The following ADD1 variants were observed in gnomAD, a reference collection of about 807,000 sequenced individuals.
The protein encoded by ADD1 is adducin 1.
ADD1 carries 24 observed loss-of-function variants against 80.5 expected under a neutral mutation model. That is an observed-to-expected ratio of 0.30 (90% CI 0.22 to 0.42). The LOEUF is 0.42. Among genes scored for constraint, ADD1 ranks in the 10% least tolerant of loss-of-function variants. The pLI is 1.00. For missense variants in ADD1, 948 were observed against 1,019.0 expected, an observed-to-expected ratio of 0.93 and a Z score of 0.95; for synonymous variants, 373 against 393.8, an observed-to-expected ratio of 0.95 and a Z score of 0.63.
intron 14 of ADD1, among the ~76,000 whole-genome samples, chr4:2,919,819 C>G (rs1408758974): frequency 1.3e-5 from 2 of 151,056 alleles, no homozygotes; most frequent in African/African-American, 4.9e-5. Context: ...TTTTTGAAGG[C>G]TTTTTTGTGT....
intron 14 of ADD1, among the ~76,000 whole-genome samples, chr4:2,922,487 C>T (rs1043030681): frequency 6.6e-6 from 1 of 152,210 alleles, no homozygotes; most frequent in African/African-American, 2.4e-5. Flanking sequence ...CAGCAAAGAT[C>T]GCTGCCTGTT....
chr4:2,882,906 G>C (rs925889783), intron 3 of ADD1, among the ~76,000 whole-genome samples: 5 of 152,108 alleles, frequency 3.3e-5, no homozygotes, highest in African/African-American at 1.2e-4. Context: ...TGTCTCCCAG[G>C]CTGGAGTGCA....
At chr4:2,875,547 G>C (rs1731142257) in intron 1 of ADD1, among the ~76,000 whole-genome samples, 1 of 152,222 alleles carries the variant, frequency 6.6e-6, no homozygotes, top group African/African-American at 2.4e-5. Flanking sequence ...GATCTTGTCT[G>C]TGTGGAACAA....
At chr4:2,860,779 C>A (rs1303529489) in intron 1 of ADD1, among the ~76,000 whole-genome samples, 1 of 152,168 alleles carries the variant, frequency 6.6e-6, no homozygotes, top group African/African-American at 2.4e-5. Context: ...ATGCATTAAC[C>A]TGTTGTTAAA....
Position 2,928,545 on chromosome 4 carries a change from C to T in ADD1, c.*22C>T. 1.3e-6 allele frequency: 2 copies of T among 1,595,910 alleles called. No homozygotes were observed. Among genetic ancestry groups the T allele is most frequent in the Non-Finnish European group, 1.7e-6 (2 of 1,173,788 alleles). ...CTGAAAGCCCTGCGCTAACACTGTCCTGTCCGGAGCGACCCTGGCTCTGCC... is the reference window on the plus strand; with the variant it reads ...CTGAAAGCCCTGCGCTAACACTGTCTTGTCCGGAGCGACCCTGGCTCTGCC... On this transcript the variant is annotated 3_prime_UTR_variant, in exon 16 of 16. Transcript: ENST00000683351.
At chr4:2,852,795 G>T (rs1560140302) in intron 1 of ADD1, among the ~76,000 whole-genome samples, 1 of 150,824 alleles carries the variant, frequency 6.6e-6, no homozygotes, top group Non-Finnish European at 1.5e-5. Context: ...TGACCTCGTG[G>T]GCCCGAGCAG....
intron 1 of ADD1, among the ~76,000 whole-genome samples, chr4:2,864,651 T>A (rs1729278830): frequency 1.3e-5 from 2 of 152,152 alleles, no homozygotes; most frequent in Non-Finnish European, 2.9e-5. Flanking sequence ...GGCCCTATGC[T>A]TATAATCACT....
intron 2 of ADD1, among the ~76,000 whole-genome samples, chr4:2,880,484 T>C (rs1732100182): frequency 7.6e-6 from 1 of 131,584 alleles, no homozygotes; most frequent in African/African-American, 3.0e-5. Flanking sequence ...TTTTTTTTTT[T>C]TTTTTTTTTG....
intron 13 of ADD1, 30 bp downstream of exon 13, chr4:2,909,461 C>G (rs2109088776): frequency 6.6e-7 from 1 of 1,513,816 alleles, no homozygotes; most frequent in Non-Finnish European, 9.0e-7. Context: ...CACTACCTGT[C>G]TATGCGCCTT....
chr4:2,895,459 G>A (rs757242653), intron 6 of ADD1, among the ~76,000 whole-genome samples: 27 of 152,196 alleles, frequency 1.8e-4, no homozygotes, highest in South Asian at 6.2e-4. Flanking sequence ...TGTTTGGGGT[G>A]TGGGAGACTT....
chr4:2,894,833 T>C, intron 6 of ADD1, 102 bp downstream of exon 6: 6 of 1,278,418 alleles, frequency 4.7e-6, no homozygotes, highest in Non-Finnish European at 6.3e-6. Context: ...TCAGTAAAAC[T>C]AATTTTGTTG....
At chr4:2,907,868 C>A in intron 11 of ADD1, 24 bp downstream of exon 11, 1 of 1,594,552 alleles carries the variant, frequency 6.3e-7, no homozygotes, top group Non-Finnish European at 8.6e-7. Flanking sequence ...CGGCACTCAG[C>A]GGGGGCTTGG....
Position 2,852,294 on chromosome 4 carries a change from TTC to T in ADD1, c.-21+8272_-21+8273del, listed in dbSNP as rs765977681. Among the ~76,000 whole-genome samples, 580 of 145,994 alleles carry T rather than the reference TTC, an allele frequency of 4.0e-3. 8 individuals are homozygous for T. The highest frequency in any genetic ancestry group is 7.3e-3 in the Non-Finnish European group (482 of 66,200). On this transcript the variant is annotated intron_variant, in intron 1 of 15. Transcript: ENST00000683351. Reference sequence around the variant, plus strand: ...CCTTCCTTCCTTCTTTTCTTTTCTTTTCTTTTCTTTTCTTTTTTTTCTTTTCT... The same window carrying T: ...CCTTCCTTCCTTCTTTTCTTTTCTTTTTTTCTTTTCTTTTTTTTCTTTTCT...
At chr4:2,864,548 A>G (rs539999722) in intron 1 of ADD1, among the ~76,000 whole-genome samples, 64 of 152,348 alleles carry the variant, frequency 4.2e-4, no homozygotes, top group Non-Finnish European at 7.4e-4. Flanking sequence ...TTATACTCAC[A>G]GTGATGCTTA....
At chr4:2,905,637 C>T (rs1321717056) in intron 10 of ADD1, 3 of 160,130 alleles carry the variant, frequency 1.9e-5, no homozygotes, top group South Asian at 1.7e-4. Context: ...CCAAAGCCTC[C>T]GAATGCACAC....
chr4:2,917,360 C>T (rs766888058), intron 14 of ADD1, among the ~76,000 whole-genome samples: 1 of 152,080 alleles, frequency 6.6e-6, no homozygotes, highest in Non-Finnish European at 1.5e-5. Flanking sequence ...TTATATCCTT[C>T]GTCTGCTTTT....
intron 14 of ADD1, among the ~76,000 whole-genome samples, chr4:2,915,493 T>A (rs1047386440): frequency 7.9e-5 from 12 of 152,134 alleles, no homozygotes; most frequent in African/African-American, 2.7e-4. Flanking sequence ...GAAAAAAAAT[T>A]AGCCGGATGT....
chr4:2,884,784 C>A, intron 4 of ADD1, 118 bp downstream of exon 4: 3 of 1,209,378 alleles, frequency 2.5e-6, no homozygotes, highest in Non-Finnish European at 3.4e-6. Context: ...CTTGGAATAC[C>A]TCTTCTGATT....
intron 1 of ADD1, among the ~76,000 whole-genome samples, chr4:2,864,711 C>A (rs1224703262): frequency 2.6e-5 from 4 of 151,926 alleles, no homozygotes; most frequent in African/African-American, 9.7e-5. Context: ...CCCTGGCTCC[C>A]TCTGGAGTCT....
Sources: gnomAD v4.1 joint callset for allele counts (sites outside exome capture counted in the v4.1 genomes callset) on GRCh38, gnomAD v4.1.1 for gene constraint, MANE v1.5 for transcripts, NCBI Gene and HGNC (gene_info 2026-07-23, HGNC 2026-07-21) for gene names.